GLB1: variants seen among roughly 807,000 people sequenced by gnomAD.
The protein encoded by GLB1 is beta-galactosidase.
A neutral mutation model predicts 74.0 loss-of-function variants in GLB1; 56 were observed. The observed-to-expected ratio is 0.76, with a 90% CI of 0.61 to 0.94. The LOEUF is 0.94. Ranked by LOEUF, GLB1 falls within the 40% of genes least tolerant of loss-of-function variation. The pLI is 0.00. For missense variants in GLB1, 787 were observed against 845.5 expected (o/e 0.93, Z 0.86); for synonymous variants, 323 against 323.6 (o/e 1.00, Z 0.02).
At chr3:33,034,011 T>C (rs1431178892) in intron 10 of GLB1, 2 of 546,520 alleles carry the variant, frequency 3.7e-6, no homozygotes, top group Non-Finnish European at 7.3e-6. Context: ...CAGATCCTCA[T>C]TGCCAACCTC....
the GLB1 span, among the ~76,000 whole-genome samples, chr3:32,990,479 T>G: frequency 6.6e-6 from 1 of 152,126 alleles, no homozygotes; most frequent in Non-Finnish European, 1.5e-5. Context: ...GAATGTCTAT[T>G]GGGTAAATGA....
the GLB1 span, among the ~76,000 whole-genome samples, chr3:32,970,343 CTG>C: frequency 6.6e-6 from 1 of 152,238 alleles, no homozygotes; most frequent in Admixed American, 6.5e-5. Flanking sequence ...ACCTAACAAA[CTG>C]GGTATTTGCC....
At chr3:32,985,736 C>T in the GLB1 span, among the ~76,000 whole-genome samples, 1 of 152,148 alleles carries the variant, frequency 6.6e-6, no homozygotes, top group East Asian at 1.9e-4. Context: ...GATGGAGTCT[C>T]ACTCTGTTAC....
the GLB1 span, among the ~76,000 whole-genome samples, chr3:32,965,759 G>A: frequency 6.6e-6 from 1 of 152,244 alleles, no homozygotes; most frequent in East Asian, 1.9e-4. Context: ...GGTTTCCTGG[G>A]CCAGGTCCAG....
At chr3:33,076,627 G>C (rs570742656) in intron 1 of GLB1, among the ~76,000 whole-genome samples, 1 of 152,280 alleles carries the variant, frequency 6.6e-6, no homozygotes, top group East Asian at 1.9e-4. Context: ...CACTGTTCTT[G>C]GGGAGAAATC....
At chr3:32,980,782 A>AAAAC in the GLB1 span, among the ~76,000 whole-genome samples, 15,460 of 151,324 alleles carry the variant, frequency 0.1, 954 homozygotes, top group African/African-American at 0.18. Flanking sequence ...CTCCCTCTCA[A>AAAAC]AAACAAACAA....
At chr3:32,969,127 G>A in the GLB1 span, among the ~76,000 whole-genome samples, 3 of 152,154 alleles carry the variant, frequency 2.0e-5, no homozygotes, top group African/African-American at 7.2e-5. Flanking sequence ...TTTTACTGAT[G>A]GAAGCAGTTT....
At chr3:32,982,371 G>T in the GLB1 span, among the ~76,000 whole-genome samples, 1 of 151,236 alleles carries the variant, frequency 6.6e-6, no homozygotes, top group Non-Finnish European at 1.5e-5. Flanking sequence ...CCTGTTGCAG[G>T]TTTCTTTTTC....
chr3:33,073,763 C>A, intron 1 of GLB1, among the ~76,000 whole-genome samples: 1 of 152,058 alleles, frequency 6.6e-6, no homozygotes, highest in Non-Finnish European at 1.5e-5. Flanking sequence ...AATGCTAGCA[C>A]TTTGAGAGGC....
At chr3:33,039,587 G>T (rs191754429) in intron 10 of GLB1, among the ~76,000 whole-genome samples, 2 of 152,138 alleles carry the variant, frequency 1.3e-5, no homozygotes. Flanking sequence ...ATGTTCGGGG[G>T]AAAGGATAGA....
chr3:33,022,633 G>A (rs1255129174), intron 11 of GLB1, among the ~76,000 whole-genome samples: 7 of 140,342 alleles, frequency 5.0e-5, no homozygotes, highest in South Asian at 2.3e-4. Flanking sequence ...GTGCAGTGGC[G>A]TAATCTTGGC....
At chr3:33,018,337 A>G (rs1469708706) in intron 13 of GLB1, 111 bp downstream of exon 13, 11 of 659,924 alleles carry the variant, frequency 1.7e-5, no homozygotes, top group Non-Finnish European at 2.9e-5. Context: ...TGATGGGTAG[A>G]GCCTGAGGCT....
At chr3:32,978,545 AATGG>A in the GLB1 span, among the ~76,000 whole-genome samples, 2 of 152,290 alleles carry the variant, frequency 1.3e-5, no homozygotes, top group East Asian at 3.9e-4. Context: ...CCTTTTCTGC[AATGG>A]ATGAACAAAC....
chr3:33,016,599 G>A (rs886767390), intron 14 of GLB1, 110 bp downstream of exon 14: 1 of 1,573,656 alleles, frequency 6.4e-7, no homozygotes, highest in Admixed American at 1.7e-5. Flanking sequence ...TGATCCTCCT[G>A]CCTTGGCTTC....
intron 2 of GLB1, among the ~76,000 whole-genome samples, chr3:33,071,533 A>G (rs1468182868): frequency 1.3e-5 from 2 of 152,218 alleles, no homozygotes; most frequent in East Asian, 3.8e-4. Context: ...ACAAAGCCAA[A>G]CTGGGTTTCA....
At chr3:33,069,242 A>T (rs1575472361) in intron 2 of GLB1, among the ~76,000 whole-genome samples, 1 of 152,052 alleles carries the variant, frequency 6.6e-6, no homozygotes, top group South Asian at 2.1e-4. Flanking sequence ...ACACAAAAAA[A>T]TTAGCCAGGG....
chr3:33,042,897 G>A (rs183129417), intron 10 of GLB1, among the ~76,000 whole-genome samples: 23 of 152,276 alleles, frequency 1.5e-4, no homozygotes, highest in Non-Finnish European at 3.2e-4. Flanking sequence ...CTGCAACCTG[G>A]CGCATGCAGA....
Position 32,996,815 on chromosome 3 carries a change from G to T in GLB1, c.*230C>A. On this transcript the variant is annotated 3_prime_UTR_variant, in exon 16 of 16. Transcript: ENST00000307363. ...TACCACCTTTAAAGCTTCCATTCCA[G>T]CCCTGCAGATATGTATGCACGTTAC... 1.6e-6 allele frequency: 1 copy of T among 639,788 alleles called. No individual in the cohort carries two copies. Among genetic ancestry groups the T allele is most frequent in the Non-Finnish European group, 2.6e-6 (1 of 383,496 alleles). The allele number at this position is 639,788 out of a possible 1,614,324, so 39.6% of individuals were successfully genotyped here.
intron 2 of GLB1, 51 bp from the exon 3 acceptor site, chr3:33,069,021 A>G: frequency 1.2e-6 from 2 of 1,613,994 alleles, no homozygotes; most frequent in Non-Finnish European, 1.7e-6. Flanking sequence ...AGTCAAGAAG[A>G]AAGAAGCGTG....
Sources: gnomAD v4.1 joint callset for allele counts (sites outside exome capture counted in the v4.1 genomes callset) on GRCh38, gnomAD v4.1.1 for gene constraint, MANE v1.5 for transcripts, NCBI Gene and HGNC (gene_info 2026-07-23, HGNC 2026-07-21) for gene names.